ACTR3C: variants seen among roughly 807,000 people sequenced by gnomAD.
The protein encoded by ACTR3C is actin related protein 3C, also known as actin-related protein 3C.
ACTR3C carries 18 observed loss-of-function variants against 26.3 expected under a neutral mutation model. The ratio of observed to expected loss-of-function variants is 0.68; its 90% confidence interval spans 0.47 to 1.01. The LOEUF (loss-of-function observed/expected upper bound fraction) is 1.01. Among genes scored for constraint, ACTR3C ranks in the 50% least tolerant of loss-of-function variants. ACTR3C has a pLI of 0.00. For missense variants in ACTR3C, 184 were observed against 250.7 expected, an observed-to-expected ratio of 0.73 and a Z score of 1.80; for synonymous variants, 55 against 94.5, an observed-to-expected ratio of 0.58 and a Z score of 2.42.
chr7:149,926,244 G>A, the ACTR3C span, among the ~76,000 whole-genome samples: 39 of 152,292 alleles, frequency 2.6e-4, no homozygotes, highest in South Asian at 6.2e-4. Context: ...TATTTGCAAC[G>A]TATATCATTA....
chr7:150,188,851 GT>G, the ACTR3C span, among the ~76,000 whole-genome samples: 1 of 150,968 alleles, frequency 6.6e-6, no homozygotes, highest in South Asian at 2.1e-4. Context: ...TACATTCATT[GT>G]TGTGGGGTGT....
chr7:149,919,532 G>A, the ACTR3C span, among the ~76,000 whole-genome samples: 40 of 152,256 alleles, frequency 2.6e-4, no homozygotes, highest in East Asian at 5.6e-3. Flanking sequence ...GAGCCACCGC[G>A]TCTGGCCCCT....
the ACTR3C span, among the ~76,000 whole-genome samples, chr7:149,990,814 G>GGGCA: frequency 6.6e-6 from 1 of 152,292 alleles, no homozygotes; most frequent in Non-Finnish European, 1.5e-5. Flanking sequence ...GAGATGGAGT[G>GGGCA]GGCAGGCACA....
At chr7:150,048,524 C>A in the ACTR3C span, among the ~76,000 whole-genome samples, 1 of 152,154 alleles carries the variant, frequency 6.6e-6, no homozygotes, top group Admixed American at 6.5e-5. Context: ...GTTCTGCGGC[C>A]CCGCCGAAGG....
chr7:149,906,492 T>A, the ACTR3C span, among the ~76,000 whole-genome samples: 1 of 137,560 alleles, frequency 7.3e-6, no homozygotes, highest in Non-Finnish European at 1.5e-5. Flanking sequence ...AGTGCAGTGG[T>A]GCAATTTCGG....
At chr7:150,231,521 A>G in the ACTR3C span, among the ~76,000 whole-genome samples, 2 of 150,522 alleles carry the variant, frequency 1.3e-5, no homozygotes. Context: ...AGCTTCCTGA[A>G]GGGCTCCAGG....
chr7:149,955,919 C>G, the ACTR3C span, among the ~76,000 whole-genome samples: 1 of 152,142 alleles, frequency 6.6e-6, no homozygotes, highest in Non-Finnish European at 1.5e-5. Context: ...CTGGGATTAA[C>G]AGAAAATTTA....
the ACTR3C span, among the ~76,000 whole-genome samples, chr7:150,079,732 C>T: frequency 6.6e-6 from 1 of 152,178 alleles, no homozygotes; most frequent in Non-Finnish European, 1.5e-5. Flanking sequence ...TGATTTTTCA[C>T]ATGTCTACCC....
the ACTR3C span, among the ~76,000 whole-genome samples, chr7:150,039,039 G>T: frequency 1.5e-5 from 2 of 132,038 alleles, no homozygotes; most frequent in South Asian, 2.4e-4. Flanking sequence ...GTAATCCCAC[G>T]TAAGGTACCT....
chr7:150,252,305 C>T (rs934555341), intron 6 of ACTR3C, among the ~76,000 whole-genome samples: 2 of 152,134 alleles, frequency 1.3e-5, no homozygotes, highest in African/African-American at 4.8e-5. Context: ...GTATTCATTG[C>T]CCTGGCTCCA....
At chr7:150,312,906 G>A (rs1340208328) in intron 1 of ACTR3C, among the ~76,000 whole-genome samples, 1 of 152,148 alleles carries the variant, frequency 6.6e-6, no homozygotes, top group African/African-American at 2.4e-5. Flanking sequence ...AAGAAGTCTG[G>A]AGCAGCTGAA....
At chr7:150,112,321 ATAATTC>A in the ACTR3C span, among the ~76,000 whole-genome samples, 3 of 152,242 alleles carry the variant, frequency 2.0e-5, no homozygotes, top group Non-Finnish European at 4.4e-5. Context: ...GCAAGCCTCC[ATAATTC>A]TAATTCCAAA....
the ACTR3C span, among the ~76,000 whole-genome samples, chr7:149,987,192 A>AG: frequency 1.3e-3 from 14 of 11,072 alleles, no homozygotes; most frequent in African/African-American, 1.4e-3. Context: ...GTCCTACCAG[A>AG]GGAAAAAAAA....
At chr7:150,048,523 C>A in the ACTR3C span, among the ~76,000 whole-genome samples, 1 of 152,144 alleles carries the variant, frequency 6.6e-6, no homozygotes, top group Admixed American at 6.5e-5. Flanking sequence ...GGTTCTGCGG[C>A]CCCGCCGAAG....
chr7:149,925,475 G>A, the ACTR3C span, among the ~76,000 whole-genome samples: 10 of 152,250 alleles, frequency 6.6e-5, no homozygotes, highest in African/African-American at 2.2e-4. Flanking sequence ...ATTCTAAAGA[G>A]CCTAATTAAA....
At chr7:149,975,939 C>A in the ACTR3C span, among the ~76,000 whole-genome samples, 1 of 152,182 alleles carries the variant, frequency 6.6e-6, no homozygotes, top group African/African-American at 2.4e-5. Flanking sequence ...GGTGGGGAAA[C>A]AGCCAAACCA....
At chr7:150,155,136 A>G in the ACTR3C span, among the ~76,000 whole-genome samples, 1 of 152,218 alleles carries the variant, frequency 6.6e-6, no homozygotes, top group Non-Finnish European at 1.5e-5. Flanking sequence ...GAGTAGAGGA[A>G]AAGATGAAAG....
the ACTR3C span, among the ~76,000 whole-genome samples, chr7:150,221,998 C>CAAAAAAAAA: frequency 6.6e-4 from 53 of 79,792 alleles, no homozygotes; most frequent in African/African-American, 2.3e-3. Context: ...ACTCCGTCTC[C>CAAAAAAAAA]AAAAAAAAAA....
chr7:149,959,580 C>A, the ACTR3C span, among the ~76,000 whole-genome samples: 1 of 152,150 alleles, frequency 6.6e-6, no homozygotes, highest in Admixed American at 6.5e-5. Context: ...GGGAAGAGGG[C>A]TGGTTTCCAG....
Sources: allele counts gnomAD v4.1 joint callset (sites outside exome capture counted in the v4.1 genomes callset), GRCh38; gene constraint gnomAD v4.1.1; transcripts MANE v1.5; gene names NCBI Gene and HGNC (gene_info 2026-07-23, HGNC 2026-07-21).